Variants in IGF1R observed in about 807,000 individuals in gnomAD.
IGF1R encodes the protein insulin-like growth factor 1 receptor.
In IGF1R, 44 loss-of-function variants were observed where a neutral mutation model predicts 144.6. The ratio of observed to expected loss-of-function variants is 0.30; its 90% CI spans 0.24 to 0.39. The LOEUF (loss-of-function observed/expected upper bound fraction) is 0.39. Ranked by LOEUF, IGF1R falls within the 10% of genes least tolerant of loss-of-function variation. The probability of loss-of-function intolerance (pLI) is 1.00; values close to 1 mark genes in which losing one functional copy is unlikely to be tolerated. For missense variants in IGF1R, 1,355 were observed against 1,833.7 expected, an observed-to-expected ratio of 0.74 and a Z score of 4.77; for synonymous variants, 795 against 722.8, an observed-to-expected ratio of 1.10 and a Z score of -1.60.
rs1483821451 is a variant in IGF1R at position 98,960,668 on chromosome 15, AAGGTGC to A, written c.*3229_*3234del. 4.3e-6 allele frequency: 1 copy of A among 233,210 alleles called. No homozygotes were observed. The highest frequency in any genetic ancestry group is 8.5e-6 in the Non-Finnish European group (1 of 118,110). The allele number at this position is 233,210 out of a possible 1,614,324, so 14.4% of individuals were successfully genotyped here. A position where few individuals can be genotyped will look rare whatever the true frequency, so the allele number is the denominator to read the frequency against. On this transcript the variant is annotated 3_prime_UTR_variant, in exon 21 of 21. Coordinates refer to ENST00000650285, the MANE Select transcript of IGF1R (RefSeq NM_000875.5). Reference sequence around the variant, plus strand: ...ATGGCTGCTGCATTCATTGAGCACAAAGGTGCAGCTGCAGCAGCAGCTGGAGAGCAA... The same window carrying A: ...ATGGCTGCTGCATTCATTGAGCACAAAGCTGCAGCAGCAGCTGGAGAGCAA...
intron 13 of IGF1R, among the ~76,000 whole-genome samples, chr15:98,926,891 T>G (rs776840289): frequency 1.3e-5 from 2 of 152,212 alleles, no homozygotes; most frequent in Non-Finnish European, 2.9e-5. Flanking sequence ...AGAAGCTTCA[T>G]AATATTCCTG....
chr15:98,649,510 TTTTTCTTTTC>T lies in IGF1R; in HGVS notation c.-62_-53del, dbSNP rs1379930361. The T allele has an allele frequency of 3.3e-5, 34 of 1,042,790 alleles. No individual in the cohort carries two copies. The African/African-American group carries it at 5.0e-4, about 15-fold the overall frequency. The allele number at this position is 1,042,790 out of a possible 1,614,324, so 64.6% of individuals were successfully genotyped here. Reference sequence around the variant, plus strand: ...GAGACTTGTTTCCTTTCATTTCCTTTTTTTCTTTTCTTTTCTTTTTTTTTTTTTTTTTTTT... The same window carrying T: ...GAGACTTGTTTCCTTTCATTTCCTTTTTTTCTTTTTTTTTTTTTTTTTTTT... On this transcript the variant is annotated 5_prime_UTR_variant, in exon 1 of 21. Coordinates refer to ENST00000650285, the MANE Select transcript of IGF1R (RefSeq NM_000875.5).
intron 1 of IGF1R, among the ~76,000 whole-genome samples, chr15:98,675,876 A>G (rs1596170811): frequency 8.0e-6 from 1 of 125,338 alleles, no homozygotes; most frequent in African/African-American, 3.2e-5. Flanking sequence ...CTCAGGCTGG[A>G]GTGCAGAGGT....
chr15:98,951,145 C>T (rs908473757), intron 20 of IGF1R, among the ~76,000 whole-genome samples: 5 of 152,234 alleles, frequency 3.3e-5, no homozygotes, highest in Admixed American at 6.5e-5. Flanking sequence ...CCAGGGAAAG[C>T]CAGAGTGAAG....
At chr15:98,710,214 C>T (rs894687308) in intron 2 of IGF1R, among the ~76,000 whole-genome samples, 2 of 152,154 alleles carry the variant, frequency 1.3e-5, no homozygotes, top group Admixed American at 6.5e-5. Context: ...CGCCCTGCAG[C>T]CTTCTCCTTG....
Position 98,929,554 on chromosome 15 carries a change from G to A in IGF1R, c.2783-4G>A, listed in dbSNP as rs1567205740. 1.2e-6 allele frequency: 2 copies of A among 1,607,600 alleles called. No individual in the cohort carries two copies. The highest frequency in any genetic ancestry group is 1.7e-6 in the Non-Finnish European group (2 of 1,174,060). On this transcript the variant is annotated splice_region_variant and splice_polypyrimidine_tract_variant and intron_variant, in intron 13 of 20. Transcript: ENST00000650285. Reference sequence around the variant, plus strand: ...ATTTTATCATTTCCTCCTCTTTGCTGCAGCAGGATATGAAAACTTCATCCA... The same window carrying A: ...ATTTTATCATTTCCTCCTCTTTGCTACAGCAGGATATGAAAACTTCATCCA...
chr15:98,747,566 C>T (rs535302460), intron 2 of IGF1R, among the ~76,000 whole-genome samples: 5 of 152,134 alleles, frequency 3.3e-5, no homozygotes, highest in Non-Finnish European at 7.3e-5. Flanking sequence ...TATTTTGCAT[C>T]TTAGATTCCC....
chr15:98,688,376 A>G (rs1457818966), intron 1 of IGF1R, among the ~76,000 whole-genome samples: 2 of 99,844 alleles, frequency 2.0e-5, no homozygotes, highest in Non-Finnish European at 4.0e-5. Context: ...CCCGCTCCCA[A>G]CTTTCTTTCT....
chr15:98,660,900 T>A (rs958388624), intron 1 of IGF1R, among the ~76,000 whole-genome samples: 2 of 152,150 alleles, frequency 1.3e-5, no homozygotes, highest in African/African-American at 2.4e-5. Flanking sequence ...GGAGGAAGCA[T>A]CTGCAGGCTG....
chr15:98,660,634 C>T (rs906661391), intron 1 of IGF1R: 2 of 152,202 alleles, frequency 1.3e-5, no homozygotes, highest in African/African-American at 4.8e-5. Flanking sequence ...GTTACTGCTG[C>T]ATGGAACTTG....
chr15:98,932,879 A>G (rs1686190180), intron 15 of IGF1R, among the ~76,000 whole-genome samples: 1 of 152,248 alleles, frequency 6.6e-6, no homozygotes, highest in Admixed American at 6.5e-5. Context: ...CACCCCTCAG[A>G]GGTCTAAAAT....
chr15:98,698,991 T>C (rs2053661984), intron 1 of IGF1R, among the ~76,000 whole-genome samples: 2 of 152,192 alleles, frequency 1.3e-5, no homozygotes, highest in South Asian at 2.1e-4. Flanking sequence ...AATGATGTAA[T>C]GTGTTCTACA....
intron 13 of IGF1R, among the ~76,000 whole-genome samples, chr15:98,925,900 C>T (rs1398262565): frequency 4.0e-5 from 6 of 150,954 alleles, no homozygotes; most frequent in Non-Finnish European, 8.9e-5. Context: ...AGAACTCCAT[C>T]TCAAGAAAAA....
At chr15:98,828,992 T>G (rs1415428483) in intron 2 of IGF1R, among the ~76,000 whole-genome samples, 1 of 152,110 alleles carries the variant, frequency 6.6e-6, no homozygotes, top group East Asian at 1.9e-4. Flanking sequence ...GTTACAACTG[T>G]CGGTCTAATT....
intron 1 of IGF1R, among the ~76,000 whole-genome samples, chr15:98,706,690 TAAGTG>T (rs1430423922): frequency 1.3e-5 from 2 of 152,204 alleles, no homozygotes; most frequent in African/African-American, 4.8e-5. Context: ...AGTAAAATAT[TAAGTG>T]AAGGAAGTGT....
intron 2 of IGF1R, among the ~76,000 whole-genome samples, chr15:98,733,562 C>G (rs1014051529): frequency 6.6e-6 from 1 of 151,846 alleles, no homozygotes; most frequent in Non-Finnish European, 1.5e-5. Flanking sequence ...AATTCCCTCT[C>G]CGAGGAGCCT....
intron 1 of IGF1R, among the ~76,000 whole-genome samples, chr15:98,668,043 T>G (rs1260887888): frequency 6.6e-5 from 10 of 152,276 alleles, no homozygotes; most frequent in African/African-American, 2.4e-4. Context: ...TTCTGGAGGC[T>G]GGAAGTCTGA....
chr15:98,825,551 A>T (rs533015140), intron 2 of IGF1R, among the ~76,000 whole-genome samples: 1 of 152,168 alleles, frequency 6.6e-6, no homozygotes, highest in African/African-American at 2.4e-5. Context: ...TGAGAACCCT[A>T]TTGTGAACTG....
At chr15:98,729,502 G>A (rs1466130195) in intron 2 of IGF1R, among the ~76,000 whole-genome samples, 1 of 151,444 alleles carries the variant, frequency 6.6e-6, no homozygotes, top group Non-Finnish European at 1.5e-5. Flanking sequence ...CTGGACAATA[G>A]GGTTCTGGTC....
Sources: allele counts gnomAD v4.1 joint callset (sites outside exome capture counted in the v4.1 genomes callset), GRCh38; gene constraint gnomAD v4.1.1; transcripts MANE v1.5; gene names NCBI Gene and HGNC (gene_info 2026-07-23, HGNC 2026-07-21).